DIS3L2: variants seen among roughly 807,000 people sequenced by gnomAD.
DIS3L2 encodes DIS3 like 3'-5' exoribonuclease 2.
DIS3L2 carries 34 observed loss-of-function variants against 97.5 expected under a neutral mutation model. The ratio of observed to expected loss-of-function variants is 0.35; its 90% CI spans 0.27 to 0.46. The LOEUF (loss-of-function observed/expected upper bound fraction) is 0.46, where lower values mean the gene tolerates loss of function less well. DIS3L2 is among the 20% of genes least tolerant of loss of function. DIS3L2 has a pLI of 1.00. For synonymous variants in DIS3L2, 435 were observed against 445.2 expected (o/e 0.98, Z 0.29); for missense variants, 1,038 against 1,146.0 (o/e 0.91, Z 1.36).
At chr2:232,323,811 TGG>T (rs1232193427) in intron 14 of DIS3L2, among the ~76,000 whole-genome samples, 1 of 152,008 alleles carries the variant, frequency 6.6e-6, no homozygotes, top group Non-Finnish European at 1.5e-5. Flanking sequence ...CAGCTGTGGG[TGG>T]GGGTCCATCA....
At chr2:232,211,563 C>T (rs530091378) in intron 10 of DIS3L2, among the ~76,000 whole-genome samples, 9 of 152,320 alleles carry the variant, frequency 5.9e-5, no homozygotes, top group African/African-American at 9.6e-5. Context: ...TCAGAGATGG[C>T]CTTGGCACTA....
At chr2:232,282,159 A>AAAC (rs1694308332) in intron 13 of DIS3L2, among the ~76,000 whole-genome samples, 1 of 151,714 alleles carries the variant, frequency 6.6e-6, no homozygotes, top group African/African-American at 2.4e-5. Context: ...AAAAAAAAAA[A>AAAC]AAAAAAAGGG....
At chr2:232,290,536 C>T (rs1484849440) in intron 13 of DIS3L2, among the ~76,000 whole-genome samples, 2 of 152,206 alleles carry the variant, frequency 1.3e-5, no homozygotes, top group African/African-American at 4.8e-5. Flanking sequence ...ATGCTACCAC[C>T]AGGCCCTTTT....
intron 14 of DIS3L2, among the ~76,000 whole-genome samples, 182 bp downstream of exon 14, chr2:232,300,301 T>C (rs1343280161): frequency 6.6e-6 from 1 of 152,166 alleles, no homozygotes; most frequent in Non-Finnish European, 1.5e-5. Flanking sequence ...TGCCCCTAAG[T>C]ATAGAACTTG....
intron 1 of DIS3L2, among the ~76,000 whole-genome samples, chr2:231,963,881 G>T (rs1021402614): frequency 3.3e-5 from 5 of 151,998 alleles, no homozygotes; most frequent in African/African-American, 7.2e-5. Flanking sequence ...ACCACGTTCG[G>T]CTAATTTTTG....
rs1331534721 is a variant in DIS3L2, at chr2:232,249,310, C to A, written c.1389C>A (p.Thr463=). 5 of 1,614,102 alleles carry A rather than the reference C, an allele frequency of 3.1e-6. No homozygotes were observed. Among genetic ancestry groups the A allele is most frequent in the Non-Finnish European group, 4.2e-6 (5 of 1,180,036 alleles). ...CSLNPMSDKL[T]FSVIWTLTPE... is the part of the protein sequence containing the mutation. ...TCAACCCCATGTCCGACAAGCTGACCTTCTCTGTGATCTGGACACTGACTC... is the reference window on the plus strand; with the variant it reads ...TCAACCCCATGTCCGACAAGCTGACATTCTCTGTGATCTGGACACTGACTC... The change falls in exon 12 of 21, where the codon ACC becomes ACA. Residue 463 remains threonine (T), a synonymous_variant. Coordinates refer to ENST00000325385, the MANE Select transcript of DIS3L2 (RefSeq NM_152383.5).
chr2:231,977,604 GACTTCGAA>G (rs1559509249), intron 1 of DIS3L2, among the ~76,000 whole-genome samples: 1 of 152,184 alleles, frequency 6.6e-6, no homozygotes, highest in Non-Finnish European at 1.5e-5. Flanking sequence ...GATTCTCGGG[GACTTCGAA>G]ACTTCTGGCC....
intron 5 of DIS3L2, among the ~76,000 whole-genome samples, chr2:232,086,281 A>G (rs1415922867): frequency 6.8e-6 from 1 of 145,996 alleles, no homozygotes; most frequent in Non-Finnish European, 1.5e-5. Flanking sequence ...ATATACATAT[A>G]CGTATATATG....
chr2:232,291,643 T>A (rs1252676511), intron 13 of DIS3L2, among the ~76,000 whole-genome samples: 1 of 152,214 alleles, frequency 6.6e-6, no homozygotes, highest in African/African-American at 2.4e-5. Context: ...CCTGGCCAAA[T>A]AACTCACACT....
intron 10 of DIS3L2, among the ~76,000 whole-genome samples, chr2:232,218,794 C>CT (rs1249327132): frequency 7.2e-5 from 11 of 152,248 alleles, no homozygotes; most frequent in African/African-American, 2.7e-4. Context: ...GTCTAGTTAT[C>CT]TTTCCTACGT....
intron 8 of DIS3L2, among the ~76,000 whole-genome samples, chr2:232,142,698 A>G (rs367759544): frequency 6.6e-6 from 1 of 152,156 alleles, no homozygotes; most frequent in Non-Finnish European, 1.5e-5. Flanking sequence ...CTTAAGTGCT[A>G]CTTTCTGCTG....
intron 6 of DIS3L2, among the ~76,000 whole-genome samples, chr2:232,122,085 A>G (rs1697923626): frequency 6.6e-6 from 1 of 152,106 alleles, no homozygotes; most frequent in East Asian, 1.9e-4. Context: ...ATAGCTCCCC[A>G]TTGCCTTTGT....
intron 16 of DIS3L2, among the ~76,000 whole-genome samples, chr2:232,331,370 G>A (rs2106349829): frequency 6.6e-6 from 1 of 152,350 alleles, no homozygotes; most frequent in African/African-American, 2.4e-5. Flanking sequence ...AGCAGTGGAT[G>A]CTGATGGGTC....
At chr2:232,329,789 T>TGGGGC in intron 14 of DIS3L2, 24 bp from the exon 15 acceptor site, 1 of 368,620 alleles carries the variant, frequency 2.7e-6, no homozygotes, top group Non-Finnish European at 5.1e-6. Context: ...CAGCGGTCCC[T>TGGGGC]CCCATCCCAC....
intron 10 of DIS3L2, among the ~76,000 whole-genome samples, chr2:232,224,175 G>T (rs976277622): frequency 6.6e-6 from 1 of 152,198 alleles, no homozygotes; most frequent in African/African-American, 2.4e-5. Context: ...CTAGAATAGA[G>T]AATACAGAAA....
intron 12 of DIS3L2, among the ~76,000 whole-genome samples, chr2:232,252,130 A>G (rs1693435687): frequency 6.6e-6 from 1 of 152,198 alleles, no homozygotes; most frequent in Non-Finnish European, 1.5e-5. Flanking sequence ...GCTAAGTGCC[A>G]GGTGTGGTGG....
At chr2:232,158,427 G>A (rs111532371) in intron 8 of DIS3L2, among the ~76,000 whole-genome samples, 2 of 152,048 alleles carry the variant, frequency 1.3e-5, no homozygotes, top group Non-Finnish European at 2.9e-5. Context: ...AAATTCAATG[G>A]TGTAATGATT....
In DIS3L2 at chr2:232,037,623, G is replaced by A. The variant is rs1438748445; in HGVS notation, c.366+7543G>A. On this transcript the variant is annotated intron_variant, in intron 5 of 20. Coordinates refer to ENST00000325385, the MANE Select transcript of DIS3L2 (RefSeq NM_152383.5). This position sits in a 1 kb window ranked among gnomAD's most constrained non-coding sequence, Gnocchi z 4.6. ...CAGCTAGCTCGGTGTCTGCCCAAAC[G>A]TCTGCCCAGTTTTGTACTTGAAACC... Among the ~76,000 whole-genome samples, 1 of 152,100 alleles carries A rather than the reference G, an allele frequency of 6.6e-6. No homozygotes were observed. Among genetic ancestry groups the A allele is most frequent in the East Asian group, 1.9e-4 (1 of 5,194 alleles).
rs568015412 is a variant in DIS3L2 at position 232,048,906 on chromosome 2, A to G, written c.366+18826A>G. Among the ~76,000 whole-genome samples, 5 of 152,328 alleles carry G rather than the reference A, an allele frequency of 3.3e-5. No homozygotes were observed. The East Asian group carries it at 9.6e-4, about 29-fold the overall frequency. On this transcript the variant is annotated intron_variant, in intron 5 of 20. Coordinates refer to ENST00000325385, the MANE Select transcript of DIS3L2 (RefSeq NM_152383.5). ...TCAGCATTTCATGTCTTTGCTATAT[A>G]GTTCTAAAAATGCTTATATACTACA...
Sources: gnomAD v4.1 joint callset for allele counts (sites outside exome capture counted in the v4.1 genomes callset) on GRCh38, gnomAD v4.1.1 for gene constraint, Gnocchi (gnomAD v3.1) non-coding constraint, MANE v1.5 for transcripts, NCBI Gene and HGNC (gene_info 2026-07-23, HGNC 2026-07-21) for gene names.